The following LRPPRC variants were observed in gnomAD, a reference collection of about 807,000 sequenced individuals.
LRPPRC encodes leucine-rich PPR motif-containing protein, mitochondrial.
In LRPPRC, 120 loss-of-function variants were observed where a neutral mutation model predicts 180.3. The ratio of observed to expected loss-of-function variants is 0.67; its 90% CI spans 0.57 to 0.77. The LOEUF (loss-of-function observed/expected upper bound fraction) is 0.77. LRPPRC is among the 30% of genes least tolerant of loss of function. The probability of loss-of-function intolerance (pLI) is 0.00; values close to 1 mark genes in which losing one functional copy is unlikely to be tolerated. For missense variants in LRPPRC, 2,012 were observed against 1,657.2 expected, an observed-to-expected ratio of 1.21 and a Z score of -3.72; for synonymous variants, 723 against 600.0, an observed-to-expected ratio of 1.21 and a Z score of -3.00.
At chr2:43,977,394 C>T in intron 3 of LRPPRC, 118 bp from the exon 4 acceptor site, 1 of 765,878 alleles carries the variant, frequency 1.3e-6, no homozygotes, top group Non-Finnish European at 2.2e-6. Flanking sequence ...TTCACCCATC[C>T]ATCTTGGCGC....
At chr2:43,989,015 C>T (rs1674656691) in intron 1 of LRPPRC, among the ~76,000 whole-genome samples, 1 of 152,146 alleles carries the variant, frequency 6.6e-6, no homozygotes, top group African/African-American at 2.4e-5. Context: ...GCTAGGACTA[C>T]AGGTGCATGC....
intron 30 of LRPPRC, among the ~76,000 whole-genome samples, chr2:43,907,006 C>T (rs772584393): frequency 6.6e-6 from 1 of 152,188 alleles, no homozygotes; most frequent in Non-Finnish European, 1.5e-5. Context: ...CTCAATCTTT[C>T]ACATGATTAA....
In LRPPRC at chr2:43,957,381, T is replaced by G. The variant is rs754448808; in HGVS notation, c.1649+4A>C. The stretch of plus-strand genomic sequence containing the variant: ...GCAAGGAACATTTAAGTTGATCATC[T>G]TACCTCCTGAAGCCTAGCAGTAGGC... On this transcript the variant is annotated splice_donor_region_variant and intron_variant, in intron 14 of 37. Coordinates refer to ENST00000260665, the MANE Select transcript of LRPPRC (RefSeq NM_133259.4). 5.0e-6 allele frequency: 8 copies of G among 1,606,994 alleles called. No homozygotes were observed. Among genetic ancestry groups the G allele is most frequent in the Non-Finnish European group, 6.8e-6 (8 of 1,173,644 alleles).
intron 9 of LRPPRC, 38 bp downstream of exon 9, chr2:43,974,112 C>G: frequency 6.3e-7 from 1 of 1,577,562 alleles, no homozygotes; most frequent in East Asian, 2.2e-5. Flanking sequence ...ATTTCACTGC[C>G]AATTACATTG....
intron 3 of LRPPRC, among the ~76,000 whole-genome samples, chr2:43,978,726 G>A (rs1674168950): frequency 1.3e-5 from 2 of 151,972 alleles, no homozygotes; most frequent in African/African-American, 4.8e-5. Context: ...TCAAAACTGT[G>A]AAGGAAGAAT....
rs372556760 is a variant in LRPPRC, at chr2:43,932,417, A to AT, written c.2736+1772dup. On this transcript the variant is annotated intron_variant, in intron 25 of 37. Coordinates refer to ENST00000260665, the MANE Select transcript of LRPPRC (RefSeq NM_133259.4). ...TTTGGGAATGATAAAAATGTTGCTC[A>AT]TGACTTGTAGTATTCTTTCTGTAAA... Among the ~76,000 whole-genome samples, 639 of 152,268 alleles carry AT rather than the reference A, an allele frequency of 4.2e-3. 6 individuals carry two copies. Among genetic ancestry groups the AT allele is most frequent in the African/African-American group, 0.014 (595 of 41,564 alleles).
chr2:43,978,423 G>T lies in LRPPRC; in HGVS notation c.470-1147C>A, dbSNP rs774915271. On this transcript the variant is annotated intron_variant, in intron 3 of 37. Transcript: ENST00000260665. ...TATACAGGAGAGACCTATCTGTAAAGAATGTTAATATAATAACACATTGTT... is the reference window on the plus strand; with the variant it reads ...TATACAGGAGAGACCTATCTGTAAATAATGTTAATATAATAACACATTGTT... Among the ~76,000 whole-genome samples, 4 of 152,114 alleles carry T rather than the reference G, an allele frequency of 2.6e-5. 1 individual carries two copies. The South Asian group carries it at 6.2e-4, about 24-fold the overall frequency.
At chr2:43,983,000 A>G (rs554280907) in intron 1 of LRPPRC, among the ~76,000 whole-genome samples, 1 of 152,248 alleles carries the variant, frequency 6.6e-6, no homozygotes, top group African/African-American at 2.4e-5. Context: ...TGAAACACTT[A>G]ATAGTGATAA....
At chr2:43,912,598 T>C in intron 29 of LRPPRC, 40 bp from the exon 30 acceptor site, 1 of 1,576,228 alleles carries the variant, frequency 6.3e-7, no homozygotes, top group Non-Finnish European at 8.7e-7. Context: ...GATGACATTA[T>C]TCTGAAATGC....
intron 14 of LRPPRC, among the ~76,000 whole-genome samples, chr2:43,954,754 G>C (rs1673039967): frequency 6.6e-6 from 1 of 152,072 alleles, no homozygotes; most frequent in African/African-American, 2.4e-5. Context: ...AAAATTAGAA[G>C]GAATCTGAGT....
chr2:43,935,826 T>C (rs994577025), intron 23 of LRPPRC, among the ~76,000 whole-genome samples: 4 of 152,136 alleles, frequency 2.6e-5, no homozygotes, highest in Non-Finnish European at 4.4e-5. Flanking sequence ...TTTAAGACCT[T>C]GCAAGACCAG....
rs966516993 is a variant in LRPPRC at position 43,974,272 on chromosome 2, A to G, written c.1033T>C (p.Leu345=). 6.2e-7 allele frequency: 1 copy of G among 1,612,224 alleles called. No homozygotes were observed. Among genetic ancestry groups the G allele is most frequent in the Non-Finnish European group, 8.5e-7 (1 of 1,178,236 alleles). The change falls in exon 9 of 38, where the codon TTA becomes CTA. Residue 345 remains leucine, a synonymous_variant. Coordinates refer to ENST00000260665, the MANE Select transcript of LRPPRC (RefSeq NM_133259.4). ...IPDAMNLILL[L]VTEKLEDVAL... ...ACATCTTCCAATTTTTCAGTGACTA[A>G]AAGTAAAATGAGGTTCATTGCATCT...
intron 22 of LRPPRC, 144 bp downstream of exon 22, chr2:43,945,188 T>C (rs1672633288): frequency 1.5e-6 from 1 of 658,826 alleles, no homozygotes; most frequent in Non-Finnish European, 2.8e-6. Flanking sequence ...ACTGTCCATG[T>C]AGCTCTGGTT....
At chr2:43,905,463 T>G (rs1226766652) in intron 31 of LRPPRC, among the ~76,000 whole-genome samples, 1 of 152,206 alleles carries the variant, frequency 6.6e-6, no homozygotes, top group Non-Finnish European at 1.5e-5. Context: ...ACCCATCTTG[T>G]GTTAAATGGA....
intron 36 of LRPPRC, among the ~76,000 whole-genome samples, chr2:43,894,148 C>G (rs773055713): frequency 6.6e-6 from 1 of 151,974 alleles, no homozygotes; most frequent in Admixed American, 6.6e-5. Context: ...ACTGAAGGAG[C>G]AAGAAGGCCA....
At chr2:43,963,540 G>T in intron 12 of LRPPRC, 48 bp downstream of exon 12, 1 of 1,126,652 alleles carries the variant, frequency 8.9e-7, no homozygotes, top group Non-Finnish European at 1.4e-6. Context: ...CATTAAGGAG[G>T]AAAGATATCC....
chr2:43,899,837 C>A (rs1158152260), intron 32 of LRPPRC, among the ~76,000 whole-genome samples: 1 of 152,232 alleles, frequency 6.6e-6, no homozygotes, highest in Non-Finnish European at 1.5e-5. Context: ...TTTTGCTTCA[C>A]AGCAGTTCAA....
intron 13 of LRPPRC, among the ~76,000 whole-genome samples, chr2:43,958,748 C>T (rs1371683650): frequency 2.0e-5 from 3 of 152,192 alleles, no homozygotes; most frequent in African/African-American, 7.2e-5. Context: ...TCTCTACTAC[C>T]TGACATTTCC....
rs1464755573 is a variant in LRPPRC, at chr2:43,942,340, G to GA, written c.2504+1346dup. ...GCAGAAATGGGTCTTTTAAGCAATT[G>GA]AAAAAAATTCTAATAGGAAGCATAT... On this transcript the variant is annotated intron_variant, in intron 23 of 37. Transcript: ENST00000260665. Among the ~76,000 whole-genome samples the GA allele has an allele frequency of 5.9e-5, 9 of 152,044 alleles. No homozygotes were observed. The East Asian group carries it at 1.7e-3, about 29-fold the overall frequency.
Sources: allele counts gnomAD v4.1 joint callset (sites outside exome capture counted in the v4.1 genomes callset), GRCh38; gene constraint gnomAD v4.1.1; transcripts MANE v1.5; gene names NCBI Gene and HGNC (gene_info 2026-07-23, HGNC 2026-07-21).